The following HGF variants were observed in gnomAD, a reference collection of about 807,000 sequenced individuals.
HGF encodes the protein fibroblast-derived tumor cytotoxic factor.
Under a neutral mutation model 111.6 loss-of-function variants are expected in HGF, and 39 were observed. The ratio of observed to expected loss-of-function variants is 0.35; its 90% CI spans 0.27 to 0.46. The LOEUF is 0.46. HGF is among the 20% of genes least tolerant of loss of function. The pLI, the probability that HGF is intolerant of heterozygous loss-of-function variation, is 1.00. For synonymous variants in HGF, 285 were observed against 294.8 expected (o/e 0.97, Z 0.34); for missense variants, 735 against 910.5 (o/e 0.81, Z 2.48).
chr7:81,747,388 A>G (rs17155434), intron 5 of HGF, among the ~76,000 whole-genome samples: 1,764 of 152,292 alleles, frequency 0.012, 32 homozygotes, highest in African/African-American at 0.038. Flanking sequence ...TAGTTTTATA[A>G]GAGAGACTAG....
At chr7:81,739,000 G>A (rs920256310) in intron 7 of HGF, among the ~76,000 whole-genome samples, 13 of 152,028 alleles carry the variant, frequency 8.6e-5, no homozygotes, top group East Asian at 7.7e-4. Flanking sequence ...TTGACTTTCC[G>A]GAGAAGAATG....
intron 5 of HGF, among the ~76,000 whole-genome samples, chr7:81,746,267 G>C (rs1788249718): frequency 6.6e-6 from 1 of 152,102 alleles, no homozygotes. Context: ...TAATACATTA[G>C]CTAAGAGGCC....
intron 6 of HGF, among the ~76,000 whole-genome samples, chr7:81,744,303 A>ATTTT (rs199738928): frequency 1.4e-5 from 2 of 146,576 alleles, no homozygotes; most frequent in African/African-American, 5.0e-5. Flanking sequence ...AGTAGACATG[A>ATTTT]TTTTTTTTTT....
chr7:81,769,039 G>C (rs1789503230), intron 1 of HGF, among the ~76,000 whole-genome samples: 1 of 152,036 alleles, frequency 6.6e-6, no homozygotes, highest in Non-Finnish European at 1.5e-5. Flanking sequence ...TTATTCCCCT[G>C]CGCCTACCCT....
rs781742028 is a variant in HGF, at chr7:81,717,368, G to A, written c.1272-3C>T. Reference sequence around the variant, plus strand: ...CATCTGGTTCCCAGAAGATATGACTGTGGAAACAACAGGCCTTGCACATCA... The same window carrying A: ...CATCTGGTTCCCAGAAGATATGACTATGGAAACAACAGGCCTTGCACATCA... On this transcript the variant is annotated splice_region_variant and splice_polypyrimidine_tract_variant and intron_variant, in intron 10 of 17. Coordinates refer to ENST00000222390, the MANE Select transcript of HGF (RefSeq NM_000601.6). The A allele has an allele frequency of 6.2e-7, 1 of 1,612,852 alleles. No individual in the cohort carries two copies. The highest frequency in any genetic ancestry group is 1.3e-5 in the African/African-American group (1 of 74,902).
rs750490813 is a variant in HGF at position 81,702,533 on chromosome 7, T to C, written c.*48A>G. 8.4e-6 allele frequency: 12 copies of C among 1,429,168 alleles called. No individual in the cohort carries two copies. The highest frequency in any genetic ancestry group is 2.3e-5 in the East Asian group (1 of 43,920). 88.5% of individuals were successfully genotyped at this position (1,429,168 alleles called of 1,614,324 possible). A position where few individuals can be genotyped will look rare whatever the true frequency, so the allele number is the denominator to read the frequency against. ...AATTCCACATTCTCTGAAATCTTCA[T>C]GTAAAAGACAGTTGTATTGGTGGGT... On this transcript the variant is annotated 3_prime_UTR_variant, in exon 18 of 18. Coordinates refer to ENST00000222390, the MANE Select transcript of HGF (RefSeq NM_000601.6).
intron 9 of HGF, among the ~76,000 whole-genome samples, chr7:81,721,963 C>G (rs1789877163): frequency 6.6e-6 from 1 of 152,176 alleles, no homozygotes; most frequent in Non-Finnish European, 1.5e-5. Context: ...TTTGCTATTT[C>G]TAACATTTCT....
At chr7:81,768,326 A>G (rs145825566) in intron 1 of HGF, among the ~76,000 whole-genome samples, 3 of 152,236 alleles carry the variant, frequency 2.0e-5, no homozygotes, top group Admixed American at 2.0e-4. Context: ...AATATTAGCC[A>G]TTATTTCAAT....
At chr7:81,738,174 A>G (rs1787895893) in intron 7 of HGF, among the ~76,000 whole-genome samples, 1 of 152,114 alleles carries the variant, frequency 6.6e-6, no homozygotes, top group African/African-American at 2.4e-5. Context: ...ACAAAACCCC[A>G]TGACACAGGT....
Position 81,751,462 on chromosome 7 carries a change from G to A in HGF, c.625+658C>T, listed in dbSNP as rs1338480113. Reference sequence around the variant, plus strand: ...TAAGGACAATGCCCTTTTATGCTGTGAGAAGAGCTGAAAACATAGACATGG... The same window carrying A: ...TAAGGACAATGCCCTTTTATGCTGTAAGAAGAGCTGAAAACATAGACATGG... On this transcript the variant is annotated intron_variant, in intron 5 of 17. Transcript: ENST00000222390. The A allele has an allele frequency of 4.1e-6, 4 of 975,112 alleles. No homozygotes were observed. In the African/African-American group the frequency reaches 7.4e-5, roughly 18 times the overall value. The allele number at this position is 975,112 out of a possible 1,614,324, so 60.4% of individuals were successfully genotyped here. A position where few individuals can be genotyped will look rare whatever the true frequency, so the allele number is the denominator to read the frequency against.
intron 12 of HGF, 126 bp downstream of exon 12, chr7:81,711,355 A>C (rs1303625595): frequency 4.0e-6 from 2 of 498,042 alleles, no homozygotes; most frequent in Non-Finnish European, 7.0e-6. Flanking sequence ...AAAAGTAAAA[A>C]TAAATAGATT....
intron 9 of HGF, among the ~76,000 whole-genome samples, chr7:81,723,402 GT>G (rs1789925024): frequency 6.6e-6 from 1 of 151,892 alleles, no homozygotes; most frequent in African/African-American, 2.4e-5. Flanking sequence ...TATATCAAAT[GT>G]ATACCATTAA....
At chr7:81,747,697 T>C (rs1411118178) in intron 5 of HGF, among the ~76,000 whole-genome samples, 2 of 152,156 alleles carry the variant, frequency 1.3e-5, no homozygotes, top group South Asian at 2.1e-4. Context: ...ATAAAAGGTA[T>C]AGGCCAGGTG....
In HGF at chr7:81,717,351, T is replaced by C. The variant is rs1300429400; in HGVS notation, c.1286A>G (p.Glu429Gly). ...CTCATTCAGCTTACTTGCATCTGGT[T>C]CCCAGAAGATATGACTGTGGAAACA... is the stretch of plus-strand genomic sequence containing the variant. ...MEDLHRHIFW[E>G]PDASKLNENY... is the part of the protein sequence containing the mutation. The change falls in exon 11 of 18, where the codon GAA (glutamate) becomes GGA (glycine). Residue 429 changes from glutamate to glycine, a missense_variant. Glu to Gly is a moderately conservative substitution (Grantham distance 98). Transcript: ENST00000222390. The C allele has an allele frequency of 4.3e-6, 7 of 1,613,482 alleles. No homozygotes were observed. Among genetic ancestry groups the C allele is most frequent in the Non-Finnish European group, 5.9e-6 (7 of 1,179,622 alleles).
intron 7 of HGF, among the ~76,000 whole-genome samples, chr7:81,733,455 T>C (rs141746000): frequency 0.011 from 1,743 of 152,112 alleles, 56 homozygotes; most frequent in East Asian, 0.087. Context: ...CTTAATAGTT[T>C]TATTTTTCTT....
intron 4 of HGF, chr7:81,756,683 T>C (rs1291628032): frequency 6.3e-6 from 1 of 159,390 alleles, no homozygotes; most frequent in African/African-American, 2.4e-5. Flanking sequence ...CAAAAAATAC[T>C]GGTGCCCTAT....
At chr7:81,756,019 G>T (rs921584109) in intron 4 of HGF, 1 of 701,496 alleles carries the variant, frequency 1.4e-6, no homozygotes, top group African/African-American at 1.7e-5. Context: ...TCCCCAAAAT[G>T]GAATAGAATA....
At chr7:81,726,391 T>A (rs963034858) in intron 8 of HGF, among the ~76,000 whole-genome samples, 1 of 152,186 alleles carries the variant, frequency 6.6e-6, no homozygotes, top group Admixed American at 6.5e-5. Flanking sequence ...ATGGCCCACA[T>A]ATTGTGTAGA....
chr7:81,737,016 G>C (rs547927920), intron 7 of HGF, among the ~76,000 whole-genome samples: 1 of 151,326 alleles, frequency 6.6e-6, no homozygotes, highest in African/African-American at 2.4e-5. Flanking sequence ...CATTCTGAAG[G>C]CCATTCATGT....
Sources: gnomAD v4.1 joint callset for allele counts (sites outside exome capture counted in the v4.1 genomes callset) on GRCh38, gnomAD v4.1.1 for gene constraint, MANE v1.5 for transcripts, NCBI Gene and HGNC (gene_info 2026-07-23, HGNC 2026-07-21) for gene names.